The following FOXP2 variants were observed in gnomAD, a reference collection of about 807,000 sequenced individuals.
FOXP2 encodes forkhead box protein P2.
FOXP2 carries 12 observed loss-of-function variants against 115.8 expected under a neutral mutation model. The observed-to-expected ratio is 0.10, with a 90% confidence interval of 0.07 to 0.17. FOXP2 has a LOEUF of 0.17. Among genes scored for constraint, FOXP2 ranks in the 10% least tolerant of loss-of-function variants. The pLI, the probability that FOXP2 is intolerant of heterozygous loss-of-function variation, is 1.00. For missense variants in FOXP2, 629 were observed against 843.5 expected (o/e 0.75, Z 3.15); for synonymous variants, 328 against 297.7 (o/e 1.10, Z -1.05).
At chr7:114,509,124 T>G (rs918750386) in intron 2 of FOXP2, among the ~76,000 whole-genome samples, 6 of 151,982 alleles carry the variant, frequency 3.9e-5, no homozygotes, top group Non-Finnish European at 8.8e-5. Context: ...TGGAGCAGAG[T>G]GAGCAAAGGG....
intron 2 of FOXP2, among the ~76,000 whole-genome samples, chr7:114,318,379 G>GTTTTTTTTTT (rs201941261): frequency 8.6e-6 from 1 of 116,822 alleles, no homozygotes; most frequent in Non-Finnish European, 1.8e-5. Flanking sequence ...GTCTCTCTTT[G>GTTTTTTTTTT]TTTTTTTTTT....
chr7:114,242,493 G>C (rs923910067), intron 1 of FOXP2, among the ~76,000 whole-genome samples: 3 of 151,786 alleles, frequency 2.0e-5, no homozygotes, highest in Admixed American at 1.3e-4. Flanking sequence ...TTTTTCCAAG[G>C]ACCCTATAAG....
intron 1 of FOXP2, chr7:114,087,940 T>C (rs371437882): frequency 6.6e-6 from 1 of 152,036 alleles, no homozygotes; most frequent in East Asian, 1.9e-4. Context: ...GCGGAGCCAG[T>C]GCGCGTTTTG....
chr7:114,102,405 T>C (rs898431529), intron 1 of FOXP2, among the ~76,000 whole-genome samples: 3 of 152,024 alleles, frequency 2.0e-5, no homozygotes, highest in Non-Finnish European at 4.4e-5. Flanking sequence ...ATAGGCTTTG[T>C]GGACCATTGA....
At chr7:114,166,641 G>A (rs2129151837) in intron 1 of FOXP2, among the ~76,000 whole-genome samples, 1 of 152,248 alleles carries the variant, frequency 6.6e-6, no homozygotes, top group South Asian at 2.1e-4. Context: ...GGAGGCAGAG[G>A]TTGCAATGAA....
chr7:114,447,771 T>G (rs1794902018), intron 2 of FOXP2, among the ~76,000 whole-genome samples: 1 of 152,200 alleles, frequency 6.6e-6, no homozygotes, highest in Non-Finnish European at 1.5e-5. Context: ...TAGATTCCTT[T>G]TATAACATTC....
In FOXP2 at chr7:114,206,943, A is replaced by G. The variant is rs568041503; in HGVS notation, c.-102+43855A>G. ...TCTCATCACCTCAGAAAGAAACCTC[A>G]TTCTCATTAGCAGTCTCTCACTACC... On this transcript the variant is annotated intron_variant, in intron 1 of 17. Transcript: ENST00000634411. Among the ~76,000 whole-genome samples, 3 of 152,300 alleles carry G rather than the reference A, an allele frequency of 2.0e-5. No homozygotes were observed. The South Asian group carries it at 6.2e-4, about 32-fold the overall frequency.
intron 1 of FOXP2, among the ~76,000 whole-genome samples, chr7:114,219,629 A>C (rs1161318497): frequency 1.3e-5 from 2 of 151,968 alleles, no homozygotes; most frequent in African/African-American, 4.8e-5. Flanking sequence ...TTTTATTAAC[A>C]AGACTGATTG....
chr7:114,298,018 C>T (rs1288100233), intron 2 of FOXP2, among the ~76,000 whole-genome samples: 1 of 152,110 alleles, frequency 6.6e-6, no homozygotes, highest in Non-Finnish European at 1.5e-5. Flanking sequence ...TCTAGAAGTA[C>T]ATCTTATTTG....
intron 1 of FOXP2, among the ~76,000 whole-genome samples, chr7:114,164,345 C>CTT (rs766312307): frequency 2.1e-5 from 3 of 140,368 alleles, no homozygotes; most frequent in African/African-American, 5.2e-5. Context: ...CAAAACTTTT[C>CTT]TTTTTTTTTT....
intron 2 of FOXP2, among the ~76,000 whole-genome samples, chr7:114,387,254 T>C (rs1029097390): frequency 1.3e-5 from 2 of 152,204 alleles, no homozygotes; most frequent in Non-Finnish European, 2.9e-5. Flanking sequence ...AGTAGAGTCA[T>C]TCTATGAAAA....
intron 3 of FOXP2, among the ~76,000 whole-genome samples, chr7:114,579,148 T>C (rs948555586): frequency 6.6e-6 from 1 of 152,178 alleles, no homozygotes; most frequent in African/African-American, 2.4e-5. Flanking sequence ...GTATTAACAA[T>C]TAAAAATAAG....
At chr7:114,475,913 C>T (rs1012720437) in intron 2 of FOXP2, among the ~76,000 whole-genome samples, 10 of 151,748 alleles carry the variant, frequency 6.6e-5, no homozygotes, top group African/African-American at 1.5e-4. Context: ...ACATCTCTTA[C>T]GATTTTGAAG....
At chr7:114,222,941 T>C (rs1794660078) in intron 1 of FOXP2, among the ~76,000 whole-genome samples, 1 of 152,204 alleles carries the variant, frequency 6.6e-6, no homozygotes, top group Admixed American at 6.5e-5. Flanking sequence ...ATACAATGCA[T>C]TCATTCAGGT....
At chr7:114,640,366 T>C (rs2129331917) in intron 6 of FOXP2, among the ~76,000 whole-genome samples, 1 of 152,320 alleles carries the variant, frequency 6.6e-6, no homozygotes, top group African/African-American at 2.4e-5. Context: ...TCCTGTTTTT[T>C]CTTTAGGCTA....
intron 3 of FOXP2, among the ~76,000 whole-genome samples, chr7:114,618,961 T>C (rs1279696747): frequency 6.6e-6 from 1 of 152,290 alleles, no homozygotes; most frequent in East Asian, 1.9e-4. Flanking sequence ...CATTTAATCC[T>C]GAGGATAACT....
intron 3 of FOXP2, among the ~76,000 whole-genome samples, chr7:114,623,398 A>G (rs926978940): frequency 5.9e-5 from 9 of 151,906 alleles, no homozygotes; most frequent in African/African-American, 2.2e-4. Flanking sequence ...TGACCATGCA[A>G]ATGTTTCAGC....
At chr7:114,581,580 A>G (rs1801871734) in intron 3 of FOXP2, among the ~76,000 whole-genome samples, 2 of 152,172 alleles carry the variant, frequency 1.3e-5, no homozygotes, top group East Asian at 3.9e-4. Flanking sequence ...CCAGAGTGGT[A>G]TATTTTTACC....
intron 3 of FOXP2, among the ~76,000 whole-genome samples, chr7:114,566,736 A>T (rs1247794715): frequency 6.6e-6 from 1 of 152,098 alleles, no homozygotes; most frequent in African/African-American, 2.4e-5. Flanking sequence ...ATATTATTTT[A>T]TCCTAAATAT....
Sources: allele counts gnomAD v4.1 joint callset (sites outside exome capture counted in the v4.1 genomes callset), GRCh38; gene constraint gnomAD v4.1.1; transcripts MANE v1.5; gene names NCBI Gene and HGNC (gene_info 2026-07-23, HGNC 2026-07-21).